The following SEPTIN11 variants were observed in gnomAD, a reference collection of about 807,000 sequenced individuals.
SEPTIN11 encodes the protein septin-11.
A neutral mutation model predicts 51.4 loss-of-function variants in SEPTIN11; 25 were observed. That is an observed-to-expected ratio of 0.49 (90% confidence interval 0.35 to 0.68). The LOEUF (loss-of-function observed/expected upper bound fraction) is 0.68. SEPTIN11 is among the 30% of genes least tolerant of loss of function. The pLI is 0.00. For synonymous variants in SEPTIN11, 174 were observed against 184.1 expected (o/e 0.95, Z 0.44); for missense variants, 381 against 520.8 (o/e 0.73, Z 2.61).
chr4:76,967,935 CA>C (rs1722095816), intron 1 of SEPTIN11, among the ~76,000 whole-genome samples: 1 of 152,136 alleles, frequency 6.6e-6, no homozygotes, highest in Admixed American at 6.5e-5. Context: ...TTCTCCAATA[CA>C]GGCCCGGCCA....
chr4:76,954,681 T>A (rs1325677920), intron 1 of SEPTIN11, among the ~76,000 whole-genome samples: 1 of 152,192 alleles, frequency 6.6e-6, no homozygotes, highest in Non-Finnish European at 1.5e-5. Context: ...GAGATAGAAA[T>A]CAGGAGTCTG....
At chr4:77,022,848 A>G (rs1725815274) in intron 7 of SEPTIN11, among the ~76,000 whole-genome samples, 1 of 150,742 alleles carries the variant, frequency 6.6e-6, no homozygotes, top group Non-Finnish European at 1.5e-5. Flanking sequence ...AGCTATCTAC[A>G]CCACCAGGAA....
chr4:77,000,113 T>C (rs1724018665), intron 2 of SEPTIN11, among the ~76,000 whole-genome samples: 1 of 152,252 alleles, frequency 6.6e-6, no homozygotes, highest in Non-Finnish European at 1.5e-5. Flanking sequence ...AATAAGATAC[T>C]GTAACATCTC....
chr4:77,019,949 G>GA (rs1202980342), intron 6 of SEPTIN11, among the ~76,000 whole-genome samples: 1 of 152,154 alleles, frequency 6.6e-6, no homozygotes, highest in Non-Finnish European at 1.5e-5. Flanking sequence ...AGATCCCTGG[G>GA]AAAAATACAA....
At chr4:77,017,657 T>A (rs2703156) in intron 5 of SEPTIN11, among the ~76,000 whole-genome samples, 1 of 152,048 alleles carries the variant, frequency 6.6e-6, no homozygotes, top group Non-Finnish European at 1.5e-5. Context: ...GCCAAGTTCT[T>A]TGTAGGAGAG....
At chr4:77,029,966 T>C (rs780470853) in intron 8 of SEPTIN11, among the ~76,000 whole-genome samples, 1 of 152,100 alleles carries the variant, frequency 6.6e-6, no homozygotes, top group African/African-American at 2.4e-5. Context: ...GTTGGGATCA[T>C]AATTATTTTT....
In SEPTIN11 at chr4:76,967,105, G is replaced by A. The variant is rs187689348; in HGVS notation, c.27+17175G>A. Among the ~76,000 whole-genome samples, 187 of 152,230 alleles carry A rather than the reference G, an allele frequency of 1.2e-3. 1 individual carries two copies. The highest frequency in any genetic ancestry group is 3.6e-3 in the African/African-American group (150 of 41,516). On this transcript the variant is annotated intron_variant, in intron 1 of 9. Transcript: ENST00000264893. ...CCAGCTACTTGGGAGGCTGAGGCACGAGAATTGCTTGAGTCCAGGAGGCAG... is the reference window on the plus strand; with the variant it reads ...CCAGCTACTTGGGAGGCTGAGGCACAAGAATTGCTTGAGTCCAGGAGGCAG...
rs755314891 is a variant in SEPTIN11 at position 77,020,681 on chromosome 4, A to T, written c.953+11A>T. ...CAGCAAACCCTTCAGGTATGAAGGC[A>T]TCTAGCAATCAGGTGTCTCCCAGAC... On this transcript the variant is annotated intron_variant, in intron 7 of 9. Transcript: ENST00000264893. 1.2e-6 allele frequency: 2 copies of T among 1,611,846 alleles called. No individual in the cohort carries two copies. Among genetic ancestry groups the T allele is most frequent in the Non-Finnish European group, 1.7e-6 (2 of 1,178,590 alleles).
intron 1 of SEPTIN11, among the ~76,000 whole-genome samples, chr4:76,954,889 GA>G (rs1370157082): frequency 6.6e-6 from 1 of 152,212 alleles, no homozygotes; most frequent in Admixed American, 6.5e-5. Context: ...GGTGAGGTGG[GA>G]AAGAGACCAT....
intron 1 of SEPTIN11, among the ~76,000 whole-genome samples, chr4:76,985,857 C>G (rs1030152135): frequency 6.6e-6 from 1 of 152,124 alleles, no homozygotes; most frequent in East Asian, 1.9e-4. Context: ...AAGGCGCTTA[C>G]AAATTTTGGT....
chr4:76,998,894 G>A (rs1723921577), intron 2 of SEPTIN11, among the ~76,000 whole-genome samples: 2 of 152,104 alleles, frequency 1.3e-5, no homozygotes, highest in African/African-American at 2.4e-5. Context: ...CAGCCTGGGG[G>A]GAAGATGGAG....
At chr4:77,016,039 G>A (rs1725199670) in intron 5 of SEPTIN11, among the ~76,000 whole-genome samples, 1 of 152,162 alleles carries the variant, frequency 6.6e-6, no homozygotes, top group African/African-American at 2.4e-5. Flanking sequence ...AAGAGATACT[G>A]TAGCAGGAAT....
Position 76,984,114 on chromosome 4 carries a change from T to C in SEPTIN11, c.28-12311T>C, listed in dbSNP as rs1722907899. ...AAGACCAGATGTTAATTGGTATGTT[T>C]ATTTCCTCAATATGTATCATGGTTT... On this transcript the variant is annotated intron_variant, in intron 1 of 9. Transcript: ENST00000264893. This position sits in a 1 kb window ranked among gnomAD's most constrained non-coding sequence, Gnocchi z 4.1. Among the ~76,000 whole-genome samples, 1 of 152,232 alleles carries C rather than the reference T, an allele frequency of 6.6e-6. No individual in the cohort carries two copies. Among genetic ancestry groups the C allele is most frequent in the African/African-American group, 2.4e-5 (1 of 41,470 alleles).
intron 7 of SEPTIN11, among the ~76,000 whole-genome samples, chr4:77,022,287 A>G (rs1420516099): frequency 6.6e-6 from 1 of 152,212 alleles, no homozygotes; most frequent in Non-Finnish European, 1.5e-5. Context: ...AGTGTTGAAG[A>G]GCACTGGGCT....
intron 3 of SEPTIN11, among the ~76,000 whole-genome samples, chr4:77,008,026 G>A (rs1264397149): frequency 6.6e-6 from 1 of 152,222 alleles, no homozygotes; most frequent in African/African-American, 2.4e-5. Flanking sequence ...GTTTGTTTAT[G>A]TAGGCTTTGG....
chr4:76,977,228 A>G (rs1309331696), intron 1 of SEPTIN11, among the ~76,000 whole-genome samples: 1 of 152,242 alleles, frequency 6.6e-6, no homozygotes. Context: ...CTGCTTAAGT[A>G]GATGATATCT....
intron 2 of SEPTIN11, 105 bp downstream of exon 2, chr4:76,996,644 C>A: frequency 1.2e-6 from 1 of 837,618 alleles, no homozygotes; most frequent in Non-Finnish European, 1.9e-6. Context: ...TGTTTATTCT[C>A]TTTCTTTCAT....
chr4:77,018,638 A>G (rs1190468116), intron 5 of SEPTIN11, among the ~76,000 whole-genome samples: 2 of 152,182 alleles, frequency 1.3e-5, no homozygotes, highest in Admixed American at 6.5e-5. Flanking sequence ...AAGATTTTCA[A>G]TATGAAATAA....
chr4:76,995,763 A>G (rs533515892), intron 1 of SEPTIN11: 3 of 1,467,864 alleles, frequency 2.0e-6, no homozygotes, highest in South Asian at 2.8e-5. Context: ...AAAATGTATG[A>G]TAACTACCTT....
Sources: gnomAD v4.1 joint callset for allele counts (sites outside exome capture counted in the v4.1 genomes callset) on GRCh38, gnomAD v4.1.1 for gene constraint, Gnocchi (gnomAD v3.1) non-coding constraint, MANE v1.5 for transcripts, NCBI Gene and HGNC (gene_info 2026-07-23, HGNC 2026-07-21) for gene names.